Variants in LHX9 observed in about 807,000 individuals in gnomAD.
LHX9 encodes the protein LIM homeobox 9.
LHX9 carries 9 observed loss-of-function variants against 36.5 expected under a neutral mutation model. The observed-to-expected ratio is 0.25, with a 90% CI of 0.15 to 0.43. The LOEUF is 0.43. Ranked by LOEUF, LHX9 falls within the 20% of genes least tolerant of loss-of-function variation. The probability of loss-of-function intolerance (pLI) is 1.00; values close to 1 mark genes in which losing one functional copy is unlikely to be tolerated. For synonymous variants in LHX9, 211 were observed against 212.1 expected (o/e 0.99, Z 0.04); for missense variants, 464 against 526.4 (o/e 0.88, Z 1.16).
chr1:197,916,614 A>G (rs775480178), upstream of LHX9: 1 of 702,426 alleles, frequency 1.4e-6, no homozygotes, highest in South Asian at 1.5e-5. Flanking sequence ...GTACAGGTCC[A>G]TGCCCTGTCC....
At chr1:197,916,901 C>A, upstream of LHX9, 1 of 638,016 alleles carries the variant, frequency 1.6e-6, no homozygotes, top group Non-Finnish European at 2.8e-6. Context: ...GACAGTCCTG[C>A]AGGCTGGGGA....
chr1:197,921,256 G>A lies in LHX9; in HGVS notation c.378-48G>A. 6.5e-7 allele frequency: 1 copy of A among 1,534,076 alleles called. No individual in the cohort carries two copies. The highest frequency in any genetic ancestry group is 1.2e-5 in the South Asian group (1 of 81,406). ...ACCCAGGTGTCGCGGGTGGGATATG[G>A]CTCTGCCTTGCTTCAACTAGCGCCC... On this transcript the variant is annotated intron_variant, in intron 2 of 4. Transcript: ENST00000367387. This position sits in a 1 kb window ranked among gnomAD's most constrained non-coding sequence, Gnocchi z 4.6.
At chr1:197,915,591 T>C (rs2102588771), upstream of LHX9, among the ~76,000 whole-genome samples, 1 of 152,342 alleles carries the variant, frequency 6.6e-6, no homozygotes, top group South Asian at 2.1e-4. Flanking sequence ...GCTTCATTTT[T>C]GTGTGAAATT....
upstream of LHX9, chr1:197,912,518 C>A (rs200719762): frequency 3.3e-4 from 531 of 1,614,168 alleles, 1 homozygote; most frequent in African/African-American, 1.5e-3. Flanking sequence ...TGATCCACTC[C>A]TTTTCCTCTA....
At chr1:197,912,498 C>A, upstream of LHX9, 1 of 1,613,730 alleles carries the variant, frequency 6.2e-7, no homozygotes, top group South Asian at 1.1e-5. Context: ...GTGCAACCAC[C>A]ATTACGGCGT....
intron 3 of LHX9, among the ~76,000 whole-genome samples, chr1:197,926,221 A>G (rs1660136804): frequency 6.6e-6 from 1 of 152,234 alleles, no homozygotes. Context: ...CATTGTATTA[A>G]GCAGAACATT....
Position 197,929,184 on chromosome 1 carries a change from G to A in LHX9, c.1119G>A (p.Val373=). The change falls in exon 5 of 5, where the codon GTG becomes GTA. Residue 373 remains valine, a synonymous_variant. Coordinates refer to ENST00000367387, the MANE Select transcript of LHX9 (RefSeq NM_020204.3). ...TGACCAATCCCACTATCACTGTAGTGACATCCGTGACCTCTAACATGGACA... is the reference window on the plus strand; with the variant it reads ...TGACCAATCCCACTATCACTGTAGTAACATCCGTGACCTCTAACATGGACA... ...TDLTNPTITV[V]TSVTSNMDSH... 6.2e-7 allele frequency: 1 copy of A among 1,607,042 alleles called. No individual in the cohort carries two copies. Among genetic ancestry groups the A allele is most frequent in the East Asian group, 2.3e-5 (1 of 44,380 alleles).
At chr1:197,915,503 T>A (rs967667160), upstream of LHX9, among the ~76,000 whole-genome samples, 4 of 152,194 alleles carry the variant, frequency 2.6e-5, no homozygotes, top group Non-Finnish European at 5.9e-5. Context: ...TTACTTACAG[T>A]AAATAGCAGC....
rs552177419 is a variant in LHX9, at chr1:197,931,648, C to G, written c.*2389C>G. 2.9e-6 allele frequency: 1 copy of G among 344,878 alleles called. No homozygotes were observed. The highest frequency in any genetic ancestry group is 2.1e-5 in the African/African-American group (1 of 48,188). 21.4% of individuals were successfully genotyped at this position (344,878 alleles called of 1,614,324 possible). A position where few individuals can be genotyped will look rare whatever the true frequency, so the allele number is the denominator to read the frequency against. On this transcript the variant is annotated 3_prime_UTR_variant, in exon 5 of 5. Coordinates refer to ENST00000367387, the MANE Select transcript of LHX9 (RefSeq NM_020204.3). Reference sequence around the variant, plus strand: ...ATATGAAATGTTACACATTGTTGCACAGGCAGTGTAATTCAACCTAGAAAT... The same window carrying G: ...ATATGAAATGTTACACATTGTTGCAGAGGCAGTGTAATTCAACCTAGAAAT...
upstream of LHX9, among the ~76,000 whole-genome samples, chr1:197,914,965 G>A (rs1214479509): frequency 1.3e-5 from 2 of 151,800 alleles, no homozygotes; most frequent in Non-Finnish European, 2.9e-5. Context: ...TGGATGATTG[G>A]AGGGCTTACA....
At chr1:197,922,691 T>TG (rs1033720647) in intron 3 of LHX9, among the ~76,000 whole-genome samples, 1 of 152,218 alleles carries the variant, frequency 6.6e-6, no homozygotes, top group African/African-American at 2.4e-5. Context: ...TTCAGTGCCC[T>TG]GGCCCACATG....
At chr1:197,924,708 C>G (rs559828838) in intron 3 of LHX9, among the ~76,000 whole-genome samples, 1 of 152,294 alleles carries the variant, frequency 6.6e-6, no homozygotes, top group Non-Finnish European at 1.5e-5. Context: ...GGCACTGACC[C>G]CTAGTGGTCT....
intron 1 of LHX9, among the ~76,000 whole-genome samples, chr1:197,919,225 A>G (rs370744744): frequency 8.5e-5 from 13 of 152,364 alleles, no homozygotes; most frequent in African/African-American, 3.1e-4. Flanking sequence ...GAGTCGGGTC[A>G]GTGGGACCCA....
rs1049233800 is a variant in LHX9 at position 197,930,170 on chromosome 1, C to T, written c.*911C>T. ...AATTAATAGCTCTATTAATTGGCTT[C>T]AGCTGTACCATGATATTGTATCTGG... On this transcript the variant is annotated 3_prime_UTR_variant, in exon 5 of 5. Transcript: ENST00000367387. The T allele has an allele frequency of 1.1e-5, 6 of 570,014 alleles. No homozygotes were observed. The African/African-American group carries it at 1.2e-4, about 12-fold the overall frequency. The allele number at this position is 570,014 out of a possible 1,614,324, so 35.3% of individuals were successfully genotyped here. A position where few individuals can be genotyped will look rare whatever the true frequency, so the allele number is the denominator to read the frequency against.
chr1:197,913,255 C>G (rs187344212), upstream of LHX9: 517 of 152,082 alleles, frequency 3.4e-3, 4 homozygotes, highest in Middle Eastern at 6.8e-3. Flanking sequence ...TTTTTTGTCG[C>G]GAAGGGTGAG....
chr1:197,917,183 C>G (rs1659788647), upstream of LHX9: 2 of 975,202 alleles, frequency 2.1e-6, no homozygotes, highest in Non-Finnish European at 2.4e-6. Context: ...TCCCCGCTCT[C>G]TATCCCCCCA....
At chr1:197,925,519 C>T (rs534190215) in intron 3 of LHX9, among the ~76,000 whole-genome samples, 1 of 35,688 alleles carries the variant, frequency 2.8e-5, no homozygotes, top group Admixed American at 4.4e-4. Context: ...CTAACATGTG[C>T]CCCTTTGACT....
chr1:197,917,892 C>T lies in LHX9; in HGVS notation c.69C>T (p.His23=), dbSNP rs1423092662. 1 of 1,614,094 alleles carries T rather than the reference C, an allele frequency of 6.2e-7. No individual in the cohort carries two copies. The highest frequency in any genetic ancestry group is 8.5e-7 in the Non-Finnish European group (1 of 1,180,048). ...TCCGCCCCCCAGCCATGCTCTTTCA[C>T]GGGATCTCCGGAGGCCACATCCAAG... ...CPFRPPAMLF[H]GISGGHIQGI... Residue 23 remains histidine (H), a synonymous_variant, in exon 1 of 5, where the codon CAC becomes CAT. Transcript: ENST00000367387.
At chr1:197,912,758 A>C, upstream of LHX9, 3 of 632,924 alleles carry the variant, frequency 4.7e-6, no homozygotes, top group South Asian at 1.9e-5. Flanking sequence ...GACTCCTGAA[A>C]CCCTCCTTTT....
Sources: allele counts gnomAD v4.1 joint callset (sites outside exome capture counted in the v4.1 genomes callset), GRCh38; gene constraint gnomAD v4.1.1; non-coding constraint Gnocchi (gnomAD v3.1); transcripts MANE v1.5; gene names NCBI Gene and HGNC (gene_info 2026-07-23, HGNC 2026-07-21).